Variants in PLXNB1 observed in about 807,000 individuals in gnomAD.
PLXNB1 encodes plexin-B1.
Under a neutral mutation model 209.4 loss-of-function variants are expected in PLXNB1, and 106 were observed. That is an observed-to-expected ratio of 0.51 (90% CI 0.43 to 0.59). The LOEUF is 0.59. Among genes scored for constraint, PLXNB1 ranks in the 20% least tolerant of loss-of-function variants. The probability of loss-of-function intolerance (pLI) is 0.00; values close to 1 mark genes in which losing one functional copy is unlikely to be tolerated. For synonymous variants in PLXNB1, 1,167 were observed against 1,183.2 expected, an observed-to-expected ratio of 0.99 and a Z score of 0.28; for missense variants, 2,357 against 2,853.2, an observed-to-expected ratio of 0.83 and a Z score of 3.96.
rs538870389 is a variant in PLXNB1, at chr3:48,426,086, G to A, written c.-59-753C>T. 5.9e-4 allele frequency among the ~76,000 whole-genome samples: 90 copies of A among 152,290 alleles called. 1 individual carries two copies. In the Middle Eastern group the frequency reaches 0.017, roughly 29 times the overall value. ...TACTTAGTTGGAGCCCTACGTACTA[G>A]AGAGCTGTAGAAGCTAGGCCATCTC... On this transcript the variant is annotated intron_variant, in intron 1 of 37. Transcript: ENST00000296440.
At position 48,422,774 on chromosome 3, in the gene PLXNB1, C is replaced by G. The variant is rs1340965923; in HGVS notation, c.1281G>C (p.Gln427His). 2 of 1,613,630 alleles carry G rather than the reference C, an allele frequency of 1.2e-6. No individual in the cohort carries two copies. Among genetic ancestry groups the G allele is most frequent in the African/African-American group, 1.3e-5 (1 of 74,924 alleles). The change falls in exon 4 of 38, where the codon CAG becomes CAC. Residue 427 changes from glutamine to histidine, a missense_variant. Physicochemically the swap from Gln to His is conservative, Grantham distance 24. Around this residue, in one of 7 missense-constraint regions of PLXNB1, gnomAD observed 404 missense variants for 443.6 expected, o/e 0.91. Coordinates refer to ENST00000296440, the MANE Select transcript of PLXNB1 (RefSeq NM_001130082.3). ...CTTCCTGTGGGCTCACCCTGTGCAG[C>G]TGCCCTTGACTATCACCCAGGAAAG... ...TIAFLGDSQG[Q>H]LHRVYLGPGS...
rs762093189 is a variant in PLXNB1, at chr3:48,419,618, T to TGGACGGGAGGATGAGGG, written c.2651_2667dup (p.Ser890ProfsTer41). 1.2e-6 allele frequency: 2 copies of TGGACGGGAGGATGAGGG among 1,612,298 alleles called. No homozygotes were observed. Among genetic ancestry groups the TGGACGGGAGGATGAGGG allele is most frequent in the Non-Finnish European group, 8.5e-7 (1 of 1,179,758 alleles). On this transcript the variant is annotated frameshift_variant, in exon 11 of 38. Coordinates refer to ENST00000296440, the MANE Select transcript of PLXNB1 (RefSeq NM_001130082.3). LOFTEE classifies it high-confidence loss of function. The surrounding 1 kb of genome is among the most constrained non-coding windows in gnomAD (Gnocchi z 5.7). ...GGGGTGTCATACTGGTAGTCGAGGC[T>TGGACGGGAGGATGAGGG]GGACGGGAGGATGAGGGGGGCGGGA...
chr3:48,414,700 C>A (rs2037953486), intron 21 of PLXNB1, 99 bp downstream of exon 21: 1 of 1,430,980 alleles, frequency 7.0e-7, no homozygotes. Flanking sequence ...CATCCACCGG[C>A]CCTTGCTCTA....
chr3:48,415,457 C>T lies in PLXNB1; in HGVS notation c.3795-110G>A. 1.4e-6 allele frequency: 2 copies of T among 1,414,032 alleles called. No homozygotes were observed. The highest frequency in any genetic ancestry group is 1.9e-6 in the Non-Finnish European group (2 of 1,035,946). 87.6% of individuals were successfully genotyped at this position (1,414,032 alleles called of 1,614,324 possible). On this transcript the variant is annotated intron_variant, in intron 19 of 37. Transcript: ENST00000296440. This position sits in a 1 kb window ranked among gnomAD's most constrained non-coding sequence, Gnocchi z 5.0. ...TCAGCCCCAGCCCCAAACCACACGA[C>T]CCCTTGCCCCTACTAGCAGCATGGG...
chr3:48,421,337 T>G lies in PLXNB1; in HGVS notation c.1701A>C (p.Ser567=). Residue 567 remains serine (S), a synonymous_variant, in exon 8 of 38, where the codon TCA becomes TCC. Transcript: ENST00000296440. ...GATGTTCCCCAAAGTGGCAGGAATA[T>G]GACTCCCCTGGCCACAGGGGTGGCA... ...PDLPPLWPGE[S]YSCHFGEHQS... 1 of 1,580,740 alleles carries G rather than the reference T, an allele frequency of 6.3e-7. No individual in the cohort carries two copies.
At chr3:48,426,245 G>A (rs950071941) in intron 1 of PLXNB1, among the ~76,000 whole-genome samples, 5 of 152,200 alleles carry the variant, frequency 3.3e-5, no homozygotes, top group African/African-American at 1.2e-4. Flanking sequence ...GACTTTGGGT[G>A]CCTGCTTTCC....
chr3:48,413,876 C>T lies in PLXNB1; in HGVS notation c.4386+19G>A. ...GGCCCAGGTCAATGCCCAGCCCGGC[C>T]AGGGACCTGCCCACTGACCGTGAAC... On this transcript the variant is annotated intron_variant, in intron 22 of 37. Transcript: ENST00000296440. The surrounding 1 kb of genome is among the most constrained non-coding windows in gnomAD (Gnocchi z 5.4). 1 of 1,606,266 alleles carries T rather than the reference C, an allele frequency of 6.2e-7. No homozygotes were observed. The highest frequency in any genetic ancestry group is 2.2e-5 in the East Asian group (1 of 44,706).
rs567986104 is a variant in PLXNB1 at position 48,419,832 on chromosome 3, C to A, written c.2454G>T (p.Leu818=). 1.5e-5 allele frequency: 24 copies of A among 1,578,962 alleles called. No individual in the cohort carries two copies. Among genetic ancestry groups the A allele is most frequent in the Non-Finnish European group, 2.1e-5 (24 of 1,161,368 alleles). The change falls in exon 11 of 38, where the codon CTG becomes CTT. Residue 818 remains leucine (L), a synonymous_variant. Coordinates refer to ENST00000296440, the MANE Select transcript of PLXNB1 (RefSeq NM_001130082.3). This position sits in a 1 kb window ranked among gnomAD's most constrained non-coding sequence, Gnocchi z 5.7. ...EALHPTVPLD[L]PPATVPATTF... ...TGGTGGCAGGAACAGTGGCAGGGGG[C>A]AGGTCCAGGGGCACTGTGGGATGAA...
At position 48,423,513 on chromosome 3, in the gene PLXNB1, G is replaced by A; in HGVS notation, c.1099C>T (p.Leu367=). 6.2e-7 allele frequency: 1 copy of A among 1,612,608 alleles called. No homozygotes were observed. Among genetic ancestry groups the A allele is most frequent in the Non-Finnish European group, 8.5e-7 (1 of 1,178,686 alleles). The change falls in exon 3 of 38, where the codon CTG becomes TTG. Residue 367 remains leucine (L), a synonymous_variant. Coordinates refer to ENST00000296440, the MANE Select transcript of PLXNB1 (RefSeq NM_001130082.3). ...GCAATACTGGAACTCACCACTGGCA[G>A]CTGTGCACAGTCAGAATTGACATCA... is the stretch of plus-strand genomic sequence containing the variant. ...EYDVNSDCAQ[L]PVDTLDAYPC... is the part of the protein sequence containing the mutation.
Position 48,416,221 on chromosome 3 carries a change from G to A in PLXNB1, c.3481-54C>T, listed in dbSNP as rs111694312. 1 of 1,578,348 alleles carries A rather than the reference G, an allele frequency of 6.3e-7. No homozygotes were observed. The highest frequency in any genetic ancestry group is 8.6e-7 in the Non-Finnish European group (1 of 1,158,662). ...CATCAGACCAGACACATGGAGGCAG[G>A]GACAGCCTGAGAGACAGGCTGGCCC... On this transcript the variant is annotated intron_variant, in intron 17 of 37. Transcript: ENST00000296440. This position sits in a 1 kb window ranked among gnomAD's most constrained non-coding sequence, Gnocchi z 4.1.
chr3:48,403,964 C>G lies in PLXNB1; in HGVS notation c.*522G>C, dbSNP rs1177561972. 6.5e-6 allele frequency: 1 copy of G among 154,524 alleles called. No individual in the cohort carries two copies. The highest frequency in any genetic ancestry group is 1.4e-5 in the Non-Finnish European group (1 of 69,312). 9.6% of individuals were successfully genotyped at this position (154,524 alleles called of 1,614,324 possible). ...ATGGCTACCTATGAGGCAGGGCAGC[C>G]CTGTGGCAGCCAGCCCTGCTGAGGG... On this transcript the variant is annotated 3_prime_UTR_variant, in exon 38 of 38. Transcript: ENST00000296440.
Position 48,407,014 on chromosome 3 carries a change from T to G in PLXNB1, c.6152+13A>C. The G allele has an allele frequency of 6.2e-7, 1 of 1,613,846 alleles. No homozygotes were observed. The highest frequency in any genetic ancestry group is 8.5e-7 in the Non-Finnish European group (1 of 1,179,766). On this transcript the variant is annotated intron_variant, in intron 35 of 37. Transcript: ENST00000296440. ...CACGCCCTCCAACCTCTACCCACCG[T>G]GCCCTCCAGTACCTTTCCACCATCC...
chr3:48,422,953 G>A lies in PLXNB1; in HGVS notation c.1108-6C>T. ...GGATAAGCATCCAGGGTGTCCTATA[G>A]GCAGCAAGAAGCATCAGGAAGGCCC... On this transcript the variant is annotated splice_region_variant and splice_polypyrimidine_tract_variant and intron_variant, in intron 3 of 37. Transcript: ENST00000296440. 6.2e-7 allele frequency: 1 copy of A among 1,609,278 alleles called. No individual in the cohort carries two copies. The highest frequency in any genetic ancestry group is 1.1e-5 in the South Asian group (1 of 90,916).
rs2107065567 is a variant in PLXNB1 at position 48,429,316 on chromosome 3, TCC to T, written c.-60+690_-60+691del. On this transcript the variant is annotated intron_variant, in intron 1 of 37. Transcript: ENST00000296440. This position sits in a 1 kb window ranked among gnomAD's most constrained non-coding sequence, Gnocchi z 6.4. ...GGCGTCGGCCGCTCCGGGCTCGGGC[TCC>T]GCGCGCAGCGGCCTCTCCCCGGGTC... The T allele has an allele frequency of 6.6e-6, 1 of 150,978 alleles. No homozygotes were observed. The highest frequency in any genetic ancestry group is 2.0e-4 in the East Asian group (1 of 5,102). The allele number at this position is 150,978 out of a possible 1,614,324, so 9.4% of individuals were successfully genotyped here. A position where few individuals can be genotyped will look rare whatever the true frequency, so the allele number is the denominator to read the frequency against.
rs1240068411 is a variant in PLXNB1, at chr3:48,413,144, C to G, written c.4561G>C (p.Asp1521His). ...AGCTGGATCTGAACCTTCTTATAGT[C>G]CCTCAGGGCCTGCTTGCTCTTCCTC... ...YRRKSKQALR[D>H]YKKVQIQLEN... The change falls in exon 24 of 38, where the codon GAC becomes CAC. Residue 1521 changes from aspartate to histidine, a missense_variant. Transcript: ENST00000296440. This position sits in a 1 kb window ranked among gnomAD's most constrained non-coding sequence, Gnocchi z 5.4. 2 of 1,613,196 alleles carry G rather than the reference C, an allele frequency of 1.2e-6. No homozygotes were observed. Among genetic ancestry groups the G allele is most frequent in the Admixed American group, 3.3e-5 (2 of 60,014 alleles).
chr3:48,429,319 G>C lies in PLXNB1; in HGVS notation c.-60+689C>G, dbSNP rs1341270583. ...GTCGGCCGCTCCGGGCTCGGGCTCCGCGCGCAGCGGCCTCTCCCCGGGTCT... is the reference window on the plus strand; with the variant it reads ...GTCGGCCGCTCCGGGCTCGGGCTCCCCGCGCAGCGGCCTCTCCCCGGGTCT... On this transcript the variant is annotated intron_variant, in intron 1 of 37. Coordinates refer to ENST00000296440, the MANE Select transcript of PLXNB1 (RefSeq NM_001130082.3). This position sits in a 1 kb window ranked among gnomAD's most constrained non-coding sequence, Gnocchi z 6.4. 6.6e-6 allele frequency: 1 copy of C among 151,290 alleles called. No homozygotes were observed. The highest frequency in any genetic ancestry group is 1.9e-4 in the East Asian group (1 of 5,148). The allele number at this position is 151,290 out of a possible 1,614,324, so 9.4% of individuals were successfully genotyped here. A position where few individuals can be genotyped will look rare whatever the true frequency, so the allele number is the denominator to read the frequency against.
rs1249653800 is a variant in PLXNB1 at position 48,417,842 on chromosome 3, C to T, written c.3374+69G>A. 3 of 1,506,490 alleles carry T rather than the reference C, an allele frequency of 2.0e-6. No homozygotes were observed. The highest frequency in any genetic ancestry group is 1.4e-5 in the African/African-American group (1 of 72,498). The allele number at this position is 1,506,490 out of a possible 1,614,324, so 93.3% of individuals were successfully genotyped here. Reference sequence around the variant, plus strand: ...GGCAGATGAGCGGTGGGTGGGAGGCCCCAAGCAGCAACGCCAACCGCGGAG... The same window carrying T: ...GGCAGATGAGCGGTGGGTGGGAGGCTCCAAGCAGCAACGCCAACCGCGGAG... On this transcript the variant is annotated intron_variant, in intron 16 of 37. Coordinates refer to ENST00000296440, the MANE Select transcript of PLXNB1 (RefSeq NM_001130082.3). The surrounding 1 kb of genome is among the most constrained non-coding windows in gnomAD (Gnocchi z 4.4).
intron 10 of PLXNB1, 26 bp downstream of exon 10, chr3:48,420,639 A>T: frequency 6.3e-7 from 1 of 1,584,746 alleles, no homozygotes; most frequent in South Asian, 1.1e-5. Flanking sequence ...CCCCCCCGGT[A>T]TGGCCCAGCC....
Position 48,422,321 on chromosome 3 carries a change from T to G in PLXNB1, c.1419+10A>C. 1 of 1,610,766 alleles carries G rather than the reference T, an allele frequency of 6.2e-7. No homozygotes were observed. Among genetic ancestry groups the G allele is most frequent in the Non-Finnish European group, 8.5e-7 (1 of 1,178,364 alleles). On this transcript the variant is annotated intron_variant, in intron 5 of 37. Transcript: ENST00000296440. ...CAGCAGCCATGCCCTGGCTTGTGCC[T>G]GGCACTCACTGTGCTCTGGGTCATG...
Sources: allele counts gnomAD v4.1 joint callset (sites outside exome capture counted in the v4.1 genomes callset), GRCh38; gene constraint gnomAD v4.1.1; regional missense constraint gnomAD v4.1.1; non-coding constraint Gnocchi (gnomAD v3.1); transcripts MANE v1.5; gene names NCBI Gene and HGNC (gene_info 2026-07-23, HGNC 2026-07-21).